EXT2: variants seen among roughly 807,000 people sequenced by gnomAD.
EXT2 encodes exostosin-2.
In EXT2, 53 loss-of-function variants were observed where a neutral mutation model predicts 81.6. The ratio of observed to expected loss-of-function variants is 0.65; its 90% CI spans 0.52 to 0.82. The LOEUF (loss-of-function observed/expected upper bound fraction) is 0.82, where lower values mean the gene tolerates loss of function less well. Among genes scored for constraint, EXT2 ranks in the 40% least tolerant of loss-of-function variants. The pLI, the probability that EXT2 is intolerant of heterozygous loss-of-function variation, is 0.00. For missense variants in EXT2, 774 were observed against 910.2 expected (o/e 0.85, Z 1.93); for synonymous variants, 320 against 340.0 (o/e 0.94, Z 0.65).
At chr11:44,179,453 G>A (rs1236194685) in intron 8 of EXT2, among the ~76,000 whole-genome samples, 2 of 152,200 alleles carry the variant, frequency 1.3e-5, no homozygotes, top group Non-Finnish European at 2.9e-5. Context: ...GCTTGTGGGA[G>A]GGCAGTGAGT....
At chr11:44,206,210 C>T (rs1405657334) in intron 9 of EXT2, among the ~76,000 whole-genome samples, 1 of 152,130 alleles carries the variant, frequency 6.6e-6, no homozygotes, top group Middle Eastern at 3.2e-3. Flanking sequence ...TGGATTTTAG[C>T]GGCACCAAAA....
rs759615273 is a variant in EXT2, at chr11:44,244,626, C to T, written c.*339C>T. ...TGTAACAATCTGGAAGGAAACTTCA[C>T]GGACAGGAAGACTGCTGGAGAAGAG... On this transcript the variant is annotated 3_prime_UTR_variant, in exon 14 of 14. Transcript: ENST00000533608. 2.7e-5 allele frequency: 11 copies of T among 411,910 alleles called. No homozygotes were observed. Among genetic ancestry groups the T allele is most frequent in the Non-Finnish European group, 4.5e-5 (10 of 220,074 alleles). 25.5% of individuals were successfully genotyped at this position (411,910 alleles called of 1,614,324 possible). A position where few individuals can be genotyped will look rare whatever the true frequency, so the allele number is the denominator to read the frequency against.
intron 10 of EXT2, among the ~76,000 whole-genome samples, chr11:44,221,116 A>G (rs1412083813): frequency 1.3e-5 from 2 of 152,220 alleles, no homozygotes; most frequent in African/African-American, 4.8e-5. Flanking sequence ...CCCACAGAGG[A>G]GGGCACATAC....
At chr11:44,196,586 T>G (rs1248162046) in intron 8 of EXT2, among the ~76,000 whole-genome samples, 1 of 152,106 alleles carries the variant, frequency 6.6e-6, no homozygotes, top group Non-Finnish European at 1.5e-5. Flanking sequence ...TGACCTTTTT[T>G]CCCCCGACTG....
chr11:44,119,953 C>G (rs1954292932), intron 4 of EXT2, among the ~76,000 whole-genome samples: 1 of 152,218 alleles, frequency 6.6e-6, no homozygotes, highest in South Asian at 2.1e-4. Context: ...ACCAAACTCT[C>G]TCTTTATTGT....
At chr11:44,215,962 C>T (rs888759536) in intron 10 of EXT2, among the ~76,000 whole-genome samples, 2 of 151,438 alleles carry the variant, frequency 1.3e-5, no homozygotes, top group African/African-American at 2.4e-5. Flanking sequence ...CTGCAAGCTC[C>T]GCTTCCCGGG....
chr11:44,163,203 T>G (rs1954950257), intron 7 of EXT2, among the ~76,000 whole-genome samples: 1 of 152,194 alleles, frequency 6.6e-6, no homozygotes, highest in African/African-American at 2.4e-5. Flanking sequence ...TCCCTCGAAT[T>G]TTAAGTTAGT....
intron 8 of EXT2, chr11:44,172,004 G>T: frequency 2.0e-6 from 1 of 499,538 alleles, no homozygotes; most frequent in Non-Finnish European, 3.6e-6. Context: ...AAGGAGGCAT[G>T]GGTCTTGTTG....
At chr11:44,109,139 CT>C in intron 2 of EXT2, 54 bp from the exon 3 acceptor site, 1 of 1,586,736 alleles carries the variant, frequency 6.3e-7, no homozygotes, top group African/African-American at 1.3e-5. Context: ...GTAACTGACT[CT>C]TGTCTTTTCA....
chr11:44,185,316 T>A (rs1955295686), intron 8 of EXT2, among the ~76,000 whole-genome samples: 2 of 152,240 alleles, frequency 1.3e-5, no homozygotes. Context: ...TTCTTCATTT[T>A]TGGTCCCTAG....
At chr11:44,155,626 T>TA (rs1261333691) in intron 7 of EXT2, among the ~76,000 whole-genome samples, 1 of 152,186 alleles carries the variant, frequency 6.6e-6, no homozygotes, top group African/African-American at 2.4e-5. Context: ...AATGAAAACT[T>TA]ACACTTCAAC....
chr11:44,216,339 T>C (rs1262690772), intron 10 of EXT2, among the ~76,000 whole-genome samples: 1 of 152,182 alleles, frequency 6.6e-6, no homozygotes, highest in Non-Finnish European at 1.5e-5. Context: ...CTGTAAGGTG[T>C]GATTCCGTAT....
At chr11:44,122,080 G>T (rs1298605787) in intron 4 of EXT2, among the ~76,000 whole-genome samples, 1 of 152,054 alleles carries the variant, frequency 6.6e-6, no homozygotes, top group Non-Finnish European at 1.5e-5. Flanking sequence ...TCTTTTTCTG[G>T]AGAGGGTAGA....
chr11:44,229,408 G>A (rs139210893), intron 10 of EXT2, among the ~76,000 whole-genome samples: 6 of 152,322 alleles, frequency 3.9e-5, no homozygotes, highest in South Asian at 4.1e-4. Flanking sequence ...GCCTGCGGTC[G>A]ATTAGCTCTG....
chr11:44,117,180 G>A (rs1185546963), intron 4 of EXT2, among the ~76,000 whole-genome samples: 1 of 152,046 alleles, frequency 6.6e-6, no homozygotes, highest in Non-Finnish European at 1.5e-5. Context: ...TGTTTGTCAG[G>A]CTGGTTTCAA....
chr11:44,141,407 C>T (rs147182641), intron 7 of EXT2, among the ~76,000 whole-genome samples: 2 of 152,196 alleles, frequency 1.3e-5, no homozygotes, highest in African/African-American at 4.8e-5. Flanking sequence ...TGTAATTGTA[C>T]AAAAACCAAA....
At chr11:44,236,177 G>T (rs1955962027) in intron 12 of EXT2, 116 bp from the exon 13 acceptor site, 1 of 840,224 alleles carries the variant, frequency 1.2e-6, no homozygotes, top group African/African-American at 1.7e-5. Context: ...GTGTGTGTGT[G>T]CACGCGCATG....
chr11:44,129,997 T>A, intron 6 of EXT2, 48 bp from the exon 7 acceptor site: 1 of 1,433,122 alleles, frequency 7.0e-7, no homozygotes, highest in Non-Finnish European at 9.9e-7. Context: ...TAGAAATGCT[T>A]TCTGTGAAGG....
intron 7 of EXT2, among the ~76,000 whole-genome samples, chr11:44,159,897 G>C (rs1332048209): frequency 3.9e-5 from 6 of 152,208 alleles, no homozygotes; most frequent in Admixed American, 3.9e-4. Flanking sequence ...TGGAAGGTTA[G>C]AGCCAGCTGG....
Sources: allele counts gnomAD v4.1 joint callset (sites outside exome capture counted in the v4.1 genomes callset), GRCh38; gene constraint gnomAD v4.1.1; transcripts MANE v1.5; gene names NCBI Gene and HGNC (gene_info 2026-07-23, HGNC 2026-07-21).